The following REEP1 variants were observed in gnomAD, a reference collection of about 807,000 sequenced individuals.
The protein encoded by REEP1 is receptor expression-enhancing protein 1.
In REEP1, 22 loss-of-function variants were observed where a neutral mutation model predicts 40.3. The observed-to-expected ratio is 0.55, with a 90% confidence interval of 0.39 to 0.78. REEP1 has a LOEUF of 0.78. Among genes scored for constraint, REEP1 ranks in the 30% least tolerant of loss-of-function variants. REEP1 has a pLI of 0.00. For synonymous variants in REEP1, 116 were observed against 139.2 expected (o/e 0.83, Z 1.17); for missense variants, 280 against 361.1 (o/e 0.78, Z 1.82).
chr2:86,239,926 G>T (rs1466208867), intron 5 of REEP1: 1 of 152,514 alleles, frequency 6.6e-6, no homozygotes, highest in Non-Finnish European at 1.5e-5. Flanking sequence ...ACCTGCCTCT[G>T]ATCCAGACCA....
At chr2:86,283,118 C>A (rs1431572627) in intron 1 of REEP1, among the ~76,000 whole-genome samples, 1 of 152,204 alleles carries the variant, frequency 6.6e-6, no homozygotes, top group Non-Finnish European at 1.5e-5. Context: ...ACTCATAGCA[C>A]AGTGTACCTA....
At chr2:86,307,240 C>T (rs1445379782) in intron 1 of REEP1, among the ~76,000 whole-genome samples, 1 of 151,112 alleles carries the variant, frequency 6.6e-6, no homozygotes, top group Non-Finnish European at 1.5e-5. Context: ...TATCCATGTT[C>T]TACTTTATGG....
chr2:86,282,389 T>A (rs1436386479), intron 1 of REEP1, 147 bp from the exon 2 acceptor site: 1 of 676,372 alleles, frequency 1.5e-6, no homozygotes, highest in Non-Finnish European at 2.7e-6. Context: ...GCCCTGAAGG[T>A]GTTCTGCTCG....
At chr2:86,283,436 C>T (rs1005208280) in intron 1 of REEP1, among the ~76,000 whole-genome samples, 12 of 152,254 alleles carry the variant, frequency 7.9e-5, no homozygotes, top group East Asian at 3.9e-4. Context: ...ACCCCACAGA[C>T]GGAGCTTTCA....
chr2:86,224,155 T>G (rs1674572231), intron 7 of REEP1, among the ~76,000 whole-genome samples: 1 of 152,112 alleles, frequency 6.6e-6, no homozygotes, highest in East Asian at 1.9e-4. Flanking sequence ...CATCATGAAT[T>G]AAGACCTGAA....
chr2:86,241,907 G>T (rs974161582), intron 5 of REEP1, among the ~76,000 whole-genome samples: 2 of 152,212 alleles, frequency 1.3e-5, no homozygotes, highest in African/African-American at 4.8e-5. Context: ...GAGCCCAGGG[G>T]AGCGTGGCTT....
At chr2:86,315,231 C>A (rs886856901) in intron 1 of REEP1, among the ~76,000 whole-genome samples, 1 of 152,184 alleles carries the variant, frequency 6.6e-6, no homozygotes, top group African/African-American at 2.4e-5. Context: ...CCCTGGGAAG[C>A]ACAGTCCCGT....
intron 3 of REEP1, 121 bp from the exon 4 acceptor site, chr2:86,254,935 C>T: frequency 9.3e-7 from 1 of 1,072,178 alleles, no homozygotes; most frequent in Non-Finnish European, 1.4e-6. Context: ...GCAAGTTTCC[C>T]AGATTCCTCT....
chr2:86,301,168 C>G (rs543055029), intron 1 of REEP1, among the ~76,000 whole-genome samples: 3 of 152,358 alleles, frequency 2.0e-5, no homozygotes, highest in African/African-American at 7.2e-5. Context: ...CCTTCATCCG[C>G]ATTCTCTTTG....
intron 1 of REEP1, among the ~76,000 whole-genome samples, chr2:86,283,142 C>T (rs1231634270): frequency 1.3e-5 from 2 of 152,170 alleles, no homozygotes; most frequent in Non-Finnish European, 1.5e-5. Flanking sequence ...TCAGGGTGTT[C>T]TTTTATTGTT....
chr2:86,311,657 G>A (rs1037874253), intron 1 of REEP1, among the ~76,000 whole-genome samples: 1 of 151,992 alleles, frequency 6.6e-6, no homozygotes, highest in African/African-American at 2.4e-5. Flanking sequence ...CACTGGATTG[G>A]GACTAACCCT....
chr2:86,312,765 A>G (rs1679820572), intron 1 of REEP1, among the ~76,000 whole-genome samples: 1 of 152,270 alleles, frequency 6.6e-6, no homozygotes, highest in African/African-American at 2.4e-5. Flanking sequence ...TAATGTATGC[A>G]GACTTTCAAT....
In REEP1 at chr2:86,337,529, C is replaced by G. The variant is rs1239739412; in HGVS notation, c.-19G>C. On this transcript the variant is annotated 5_prime_UTR_variant, in exon 1 of 9. Coordinates refer to ENST00000538924, the MANE Select transcript of REEP1 (RefSeq NM_001371279.1). The surrounding 1 kb of genome is among the most constrained non-coding windows in gnomAD (Gnocchi z 5.8). ...ACACCATGGCGGGCAGGCGGGCGGG[C>G]GAGGCCCGGGCGGCGCGGCTCGGCT... The G allele has an allele frequency of 5.6e-6, 7 of 1,260,632 alleles. No homozygotes were observed. The highest frequency in any genetic ancestry group is 1.6e-5 in the African/African-American group (1 of 62,994). The allele number at this position is 1,260,632 out of a possible 1,614,324, so 78.1% of individuals were successfully genotyped here. A position where few individuals can be genotyped will look rare whatever the true frequency, so the allele number is the denominator to read the frequency against.
intron 2 of REEP1, among the ~76,000 whole-genome samples, chr2:86,265,539 A>G (rs1677086076): frequency 6.6e-6 from 1 of 152,142 alleles, no homozygotes; most frequent in Non-Finnish European, 1.5e-5. Context: ...CTATCAATGG[A>G]TGACTGAATA....
At chr2:86,249,276 G>T (rs1380033405) in intron 5 of REEP1, among the ~76,000 whole-genome samples, 1 of 151,864 alleles carries the variant, frequency 6.6e-6, no homozygotes, top group Non-Finnish European at 1.5e-5. Flanking sequence ...AAAAAAAGTG[G>T]GAGAATTTGT....
intron 1 of REEP1, chr2:86,297,643 G>A (rs1003935346): frequency 3.2e-6 from 3 of 928,028 alleles, no homozygotes; most frequent in African/African-American, 3.6e-5. Flanking sequence ...CTCCCCGGGG[G>A]TTGGAGGGAG....
At chr2:86,337,774 C>T (rs1371014282), upstream of REEP1, 8 of 806,556 alleles carry the variant, frequency 9.9e-6, no homozygotes, top group East Asian at 2.5e-4. This position sits in a 1 kb window ranked among gnomAD's most constrained non-coding sequence, Gnocchi z 5.8. Flanking sequence ...CGGGCCCGCC[C>T]CGTCCCGCTC....
chr2:86,337,928 G>C (rs966249863), upstream of REEP1: 12 of 1,227,568 alleles, frequency 9.8e-6, no homozygotes, highest in Admixed American at 2.2e-4. This position sits in a 1 kb window ranked among gnomAD's most constrained non-coding sequence, Gnocchi z 5.8. Context: ...AGAAACTGAA[G>C]TCCGAACCTG....
In REEP1 at chr2:86,273,408, T is replaced by TGAGA. The variant is rs1677573025; in HGVS notation, c.105+8761_105+8762insTCTC. Among the ~76,000 whole-genome samples the TGAGA allele has an allele frequency of 2.6e-5, 4 of 151,952 alleles. No homozygotes were observed. The South Asian group carries it at 8.3e-4, about 32-fold the overall frequency. ...CAAGTGATTCTCCCACTCAGCGTCT[T>TGAGA]GAGTAGCTGGGACTATAGGTGCATG... On this transcript the variant is annotated intron_variant, in intron 2 of 8. Coordinates refer to ENST00000538924, the MANE Select transcript of REEP1 (RefSeq NM_001371279.1).
Sources: allele counts gnomAD v4.1 joint callset (sites outside exome capture counted in the v4.1 genomes callset), GRCh38; gene constraint gnomAD v4.1.1; non-coding constraint Gnocchi (gnomAD v3.1); transcripts MANE v1.5; gene names NCBI Gene and HGNC (gene_info 2026-07-23, HGNC 2026-07-21).